The following CACNA2D1 variants were observed in gnomAD, a reference collection of about 807,000 sequenced individuals.
CACNA2D1 encodes voltage-dependent calcium channel subunit alpha-2/delta-1.
Under a neutral mutation model 171.5 loss-of-function variants are expected in CACNA2D1, and 53 were observed. The ratio of observed to expected loss-of-function variants is 0.31; its 90% CI spans 0.25 to 0.39. The LOEUF is 0.39. Ranked by LOEUF, CACNA2D1 falls within the 10% of genes least tolerant of loss-of-function variation. CACNA2D1 has a pLI of 1.00. For synonymous variants in CACNA2D1, 442 were observed against 443.1 expected, an observed-to-expected ratio of 1.00 and a Z score of 0.03; for missense variants, 903 against 1,299.8, an observed-to-expected ratio of 0.69 and a Z score of 4.69.
At chr7:81,970,102 T>A (rs1795112089) in intron 27 of CACNA2D1, 118 bp from the exon 28 acceptor site, 1 of 709,256 alleles carries the variant, frequency 1.4e-6, no homozygotes, top group Non-Finnish European at 2.6e-6. Context: ...TCTAAAGAAG[T>A]TAGTGGTAAT....
At chr7:82,421,773 CAT>C (rs1828736237) in intron 1 of CACNA2D1, among the ~76,000 whole-genome samples, 1 of 152,164 alleles carries the variant, frequency 6.6e-6, no homozygotes. Flanking sequence ...TTCACCATCT[CAT>C]TGCAAATGAG....
chr7:82,308,006 C>T (rs73376111), intron 3 of CACNA2D1, among the ~76,000 whole-genome samples: 2,074 of 152,306 alleles, frequency 0.014, 60 homozygotes, highest in African/African-American at 0.047. Flanking sequence ...GTTTCTCCCA[C>T]AGGAATCTTT....
chr7:82,170,766 CCTA>C (rs1795938185), intron 3 of CACNA2D1, among the ~76,000 whole-genome samples, 157 bp from the exon 4 acceptor site: 2 of 151,858 alleles, frequency 1.3e-5, no homozygotes, highest in Non-Finnish European at 2.9e-5. Context: ...AGTAATCTAA[CCTA>C]CTAAAGTTGA....
chr7:82,168,913 T>G (rs1274291138), intron 4 of CACNA2D1, among the ~76,000 whole-genome samples: 4 of 152,048 alleles, frequency 2.6e-5, no homozygotes, highest in African/African-American at 9.7e-5. Context: ...GTGTGTCTGT[T>G]TTGAGTTCTC....
chr7:82,022,907 A>G (rs1206469576), intron 12 of CACNA2D1, among the ~76,000 whole-genome samples: 1 of 151,774 alleles, frequency 6.6e-6, no homozygotes, highest in Non-Finnish European at 1.5e-5. Flanking sequence ...TTCTCATTCA[A>G]TTTACTAGTT....
At chr7:81,989,981 T>C (rs1041871186) in intron 21 of CACNA2D1, among the ~76,000 whole-genome samples, 2 of 151,960 alleles carry the variant, frequency 1.3e-5, no homozygotes, top group African/African-American at 2.4e-5. Context: ...AACCTGAGAG[T>C]TGGATGAAAA....
At chr7:82,285,318 C>T (rs957301333) in intron 3 of CACNA2D1, among the ~76,000 whole-genome samples, 6 of 152,104 alleles carry the variant, frequency 3.9e-5, no homozygotes, top group African/African-American at 4.8e-5. Flanking sequence ...CTCAATCAGG[C>T]CCCAAATCCT....
intron 4 of CACNA2D1, among the ~76,000 whole-genome samples, chr7:82,166,010 T>C (rs114412210): frequency 2.2e-4 from 34 of 152,144 alleles, no homozygotes; most frequent in African/African-American, 8.2e-4. Flanking sequence ...CGATTCTAAG[T>C]AAAACAAATA....
intron 3 of CACNA2D1, among the ~76,000 whole-genome samples, chr7:82,314,101 T>G (rs1352942632): frequency 1.3e-5 from 2 of 152,188 alleles, no homozygotes; most frequent in Non-Finnish European, 2.9e-5. Flanking sequence ...ATTTACTTTT[T>G]CAATCGCAAT....
chr7:82,152,022 T>A (rs1487206915), intron 4 of CACNA2D1, among the ~76,000 whole-genome samples: 1 of 151,950 alleles, frequency 6.6e-6, no homozygotes, highest in Non-Finnish European at 1.5e-5. Context: ...TAGAAACACA[T>A]AAGAAGAACA....
chr7:82,290,597 C>A (rs2129395448), intron 3 of CACNA2D1, among the ~76,000 whole-genome samples: 2 of 147,856 alleles, frequency 1.4e-5, no homozygotes, highest in Middle Eastern at 3.5e-3. Context: ...AAAAAAAAGC[C>A]ATGAATTTTT....
intron 1 of CACNA2D1, among the ~76,000 whole-genome samples, chr7:82,350,206 T>C (rs1245073609): frequency 1.3e-5 from 2 of 152,236 alleles, no homozygotes; most frequent in Non-Finnish European, 2.9e-5. Context: ...TGACGTTACA[T>C]TTTGTAAACA....
At chr7:82,119,766 G>A (rs983412141) in intron 5 of CACNA2D1, among the ~76,000 whole-genome samples, 1 of 152,126 alleles carries the variant, frequency 6.6e-6, no homozygotes, top group African/African-American at 2.4e-5. Context: ...CCCCAGTTCT[G>A]TATTATTTTT....
intron 3 of CACNA2D1, among the ~76,000 whole-genome samples, chr7:82,225,676 T>C (rs76782126): frequency 0.012 from 1,821 of 152,250 alleles, 31 homozygotes; most frequent in African/African-American, 0.041. Context: ...ACTTTTCTTT[T>C]TGGGACGAAG....
chr7:82,413,821 G>C, intron 1 of CACNA2D1, among the ~76,000 whole-genome samples: 1 of 151,594 alleles, frequency 6.6e-6, no homozygotes, highest in Non-Finnish European at 1.5e-5. Flanking sequence ...TAAATTATTT[G>C]ATTAATATAT....
chr7:82,139,945 C>CCATTATTAT (rs1792148136), intron 4 of CACNA2D1, among the ~76,000 whole-genome samples: 2 of 142,952 alleles, frequency 1.4e-5, no homozygotes, highest in South Asian at 4.5e-4. Context: ...ACACACCTGG[C>CCATTATTAT]TATTATTATT....
intron 16 of CACNA2D1, 139 bp from the exon 17 acceptor site, chr7:82,005,978 CAG>C (rs1160316213): frequency 1.4e-6 from 1 of 690,396 alleles, no homozygotes; most frequent in Non-Finnish European, 2.7e-6. Flanking sequence ...GAAGCACTCT[CAG>C]TGTCAATTTA....
chr7:82,025,252 A>G (rs1801737647), intron 12 of CACNA2D1, among the ~76,000 whole-genome samples: 1 of 151,674 alleles, frequency 6.6e-6, no homozygotes, highest in African/African-American at 2.4e-5. Flanking sequence ...AATTTTAACA[A>G]TATTAAGTCT....
chr7:82,302,503 C>T (rs1459572447), intron 3 of CACNA2D1, among the ~76,000 whole-genome samples: 1 of 151,760 alleles, frequency 6.6e-6, no homozygotes, highest in Admixed American at 6.6e-5. Flanking sequence ...CGACCTCTGC[C>T]TCCCGGGTTC....
Sources: allele counts gnomAD v4.1 joint callset (sites outside exome capture counted in the v4.1 genomes callset), GRCh38; gene constraint gnomAD v4.1.1; transcripts MANE v1.5; gene names NCBI Gene and HGNC (gene_info 2026-07-23, HGNC 2026-07-21).